CENPP: variants seen among roughly 807,000 people sequenced by gnomAD.
CENPP encodes centromere protein P.
CENPP carries 24 observed loss-of-function variants against 35.6 expected under a neutral mutation model. The ratio of observed to expected loss-of-function variants is 0.67; its 90% CI spans 0.49 to 0.95. The LOEUF (loss-of-function observed/expected upper bound fraction) is 0.95, where lower values mean the gene tolerates loss of function less well. Among genes scored for constraint, CENPP ranks in the 40% least tolerant of loss-of-function variants. The pLI is 0.00. For missense variants in CENPP, 332 were observed against 345.3 expected (o/e 0.96, Z 0.31); for synonymous variants, 120 against 125.5 (o/e 0.96, Z 0.29).
intron 5 of CENPP, among the ~76,000 whole-genome samples, chr9:92,483,290 G>A (rs1370225024): frequency 1.3e-5 from 2 of 150,980 alleles, no homozygotes; most frequent in Non-Finnish European, 2.9e-5. Context: ...GTGCGGTGGC[G>A]CAATCTTGGC....
At chr9:92,416,541 G>T in intron 5 of CENPP, 1 of 932,206 alleles carries the variant, frequency 1.1e-6, no homozygotes, top group Non-Finnish European at 1.6e-6. Flanking sequence ...CTAAAGCATA[G>T]CTTATTGAAT....
In CENPP at chr9:92,401,189, T is replaced by C. The variant is rs200645050; in HGVS notation, c.564+21330T>C. ...GTATTATCACAGTTTCTTTTTCCTATTGGAAAAATAAAAGTTTGTTACCTA... is the reference window on the plus strand; with the variant it reads ...GTATTATCACAGTTTCTTTTTCCTACTGGAAAAATAAAAGTTTGTTACCTA... On this transcript the variant is annotated intron_variant, in intron 5 of 7. Transcript: ENST00000375587. 5.1e-6 allele frequency: 7 copies of C among 1,372,300 alleles called. 1 individual carries two copies. In the East Asian group the frequency reaches 6.9e-5, roughly 14 times the overall value. The allele number at this position is 1,372,300 out of a possible 1,614,324, so 85.0% of individuals were successfully genotyped here.
At chr9:92,571,756 G>T (rs1850145977) in intron 5 of CENPP, among the ~76,000 whole-genome samples, 1 of 152,120 alleles carries the variant, frequency 6.6e-6, no homozygotes. Flanking sequence ...CTATGAATCT[G>T]GGTGCTCCTG....
At position 92,514,942 on chromosome 9, in the gene CENPP, C is replaced by T. The variant is rs770622431; in HGVS notation, c.565-96372C>T. 1.2e-5 allele frequency: 19 copies of T among 1,613,978 alleles called. No individual in the cohort carries two copies. In the African/African-American group the frequency reaches 2.1e-4, roughly 18 times the overall value. On this transcript the variant is annotated intron_variant, in intron 5 of 7. Transcript: ENST00000375587. ...CTCTCCAGGCCTCTGCTTTCTGTCTCCTCCTCTGCTGTCCCCCTCACTGTA... is the reference window on the plus strand; with the variant it reads ...CTCTCCAGGCCTCTGCTTTCTGTCTTCTCCTCTGCTGTCCCCCTCACTGTA...
intron 1 of CENPP, among the ~76,000 whole-genome samples, chr9:92,331,273 C>T (rs1162513291): frequency 6.6e-6 from 1 of 152,146 alleles, no homozygotes; most frequent in Admixed American, 6.5e-5. Flanking sequence ...CTCCGCCTCC[C>T]AGGTTCACAC....
At chr9:92,578,674 G>A (rs1249833571) in intron 5 of CENPP, among the ~76,000 whole-genome samples, 1 of 151,908 alleles carries the variant, frequency 6.6e-6, no homozygotes. Flanking sequence ...AAATTTGTTG[G>A]AGTTCATTGT....
Position 92,345,711 on chromosome 9 carries a change from T to G in CENPP, c.391T>G (p.Leu131Val). The G allele has an allele frequency of 6.3e-7, 1 of 1,577,096 alleles. No individual in the cohort carries two copies. The highest frequency in any genetic ancestry group is 8.7e-7 in the Non-Finnish European group (1 of 1,149,500). Residue 131 changes from leucine to valine, a missense_variant, in exon 4 of 8, where the codon TTA (leucine) becomes GTA (valine). Leu to Val is a conservative substitution (Grantham distance 32). Coordinates refer to ENST00000375587, the MANE Select transcript of CENPP (RefSeq NM_001012267.3). ...ATCTTTATTTTAGAATAAGGAGAGATTATCTTCTGCTGTTACTGACCTCAA... is the reference window on the plus strand; with the variant it reads ...ATCTTTATTTTAGAATAAGGAGAGAGTATCTTCTGCTGTTACTGACCTCAA... Reference protein sequence around the residue: ...QILEIQNKERLSSAVTDLNII... With the variant: ...QILEIQNKERVSSAVTDLNII...
At chr9:92,541,306 CCTGT>C (rs769468847) in intron 5 of CENPP, among the ~76,000 whole-genome samples, 2 of 151,974 alleles carry the variant, frequency 1.3e-5, no homozygotes, top group Non-Finnish European at 1.5e-5. Context: ...ATTTATTCCT[CCTGT>C]CTAACTAAAA....
At chr9:92,402,905 A>G (rs2130932258) in intron 5 of CENPP, among the ~76,000 whole-genome samples, 1 of 152,330 alleles carries the variant, frequency 6.6e-6, no homozygotes, top group Non-Finnish European at 1.5e-5. Context: ...TTTTGAGGCA[A>G]CACAACATTG....
intron 5 of CENPP, among the ~76,000 whole-genome samples, chr9:92,425,148 A>G (rs2130977412): frequency 6.6e-6 from 1 of 152,350 alleles, no homozygotes; most frequent in East Asian, 1.9e-4. Flanking sequence ...ACTTTTCTAT[A>G]CAAAGGCTTA....
At chr9:92,348,578 G>C (rs2130808938) in intron 4 of CENPP, among the ~76,000 whole-genome samples, 1 of 152,086 alleles carries the variant, frequency 6.6e-6, no homozygotes, top group African/African-American at 2.4e-5. Flanking sequence ...TTTTAGTAGA[G>C]ACGGGGTTTC....
At chr9:92,514,946 C>T (rs759138366) in intron 5 of CENPP, 2 of 1,613,986 alleles carry the variant, frequency 1.2e-6, no homozygotes, top group East Asian at 2.2e-5. Context: ...CTGTCTCCTC[C>T]TCTGCTGTCC....
At chr9:92,345,602 T>C (rs1841270613) in intron 3 of CENPP, 97 bp from the exon 4 acceptor site, 1 of 688,906 alleles carries the variant, frequency 1.5e-6, no homozygotes, top group East Asian at 2.8e-5. Context: ...ACTCTTTCCT[T>C]TTATTTGGTG....
At chr9:92,333,258 A>G (rs1016780908) in intron 2 of CENPP, among the ~76,000 whole-genome samples, 3 of 152,218 alleles carry the variant, frequency 2.0e-5, no homozygotes, top group African/African-American at 7.2e-5. Context: ...TCCACTGAAA[A>G]TTACCCTCAT....
chr9:92,405,268 A>G (rs1468110352), intron 5 of CENPP, among the ~76,000 whole-genome samples: 3 of 152,064 alleles, frequency 2.0e-5, no homozygotes, highest in African/African-American at 7.2e-5. Flanking sequence ...TGTAGATACC[A>G]TACAAGCAAC....
At chr9:92,409,377 T>G (rs767043521) in intron 5 of CENPP, among the ~76,000 whole-genome samples, 1 of 152,254 alleles carries the variant, frequency 6.6e-6, no homozygotes, top group Non-Finnish European at 1.5e-5. Context: ...TATGAATTCT[T>G]AAAACAGAAA....
rs1026341114 is a variant in CENPP, at chr9:92,457,841, A to G, written c.564+77982A>G. 1.6e-4 allele frequency among the ~76,000 whole-genome samples: 25 copies of G among 152,344 alleles called. 1 individual carries two copies. The highest frequency in any genetic ancestry group is 1.6e-3 in the Admixed American group (25 of 15,292). ...ACATACATGCGTAATGTTTACTTTT[A>G]TAAACATACATATTTTTAAATATAC... On this transcript the variant is annotated intron_variant, in intron 5 of 7. Coordinates refer to ENST00000375587, the MANE Select transcript of CENPP (RefSeq NM_001012267.3).
chr9:92,479,431 G>A (rs1275690003), intron 5 of CENPP, among the ~76,000 whole-genome samples: 1 of 152,192 alleles, frequency 6.6e-6, no homozygotes, highest in East Asian at 1.9e-4. Context: ...GAGCAGTGGA[G>A]GCAGCCACTT....
intron 4 of CENPP, among the ~76,000 whole-genome samples, chr9:92,356,877 CCCT>C (rs1841601784): frequency 6.6e-6 from 1 of 152,196 alleles, no homozygotes; most frequent in South Asian, 2.1e-4. Context: ...TCCAGCTGGT[CCCT>C]CCGTTCGGGG....
Sources: allele counts gnomAD v4.1 joint callset (sites outside exome capture counted in the v4.1 genomes callset), GRCh38; gene constraint gnomAD v4.1.1; transcripts MANE v1.5; gene names NCBI Gene and HGNC (gene_info 2026-07-23, HGNC 2026-07-21).